Variants in ESYT2 observed in about 807,000 individuals in gnomAD.
The protein encoded by ESYT2 is extended synaptotagmin-2.
In ESYT2, 54 loss-of-function variants were observed where a neutral mutation model predicts 107.2. The observed-to-expected ratio is 0.50, with a 90% CI of 0.40 to 0.63. The LOEUF is 0.63. ESYT2 is among the 30% of genes least tolerant of loss of function. The pLI is 0.00. For synonymous variants in ESYT2, 491 were observed against 434.1 expected (o/e 1.13, Z -1.63); for missense variants, 1,020 against 1,094.5 (o/e 0.93, Z 0.96).
chr7:158,783,679 G>A (rs1410928998), intron 6 of ESYT2, among the ~76,000 whole-genome samples: 3 of 152,186 alleles, frequency 2.0e-5, no homozygotes, highest in Non-Finnish European at 2.9e-5. Flanking sequence ...CAAAACAAGT[G>A]AGACGACTCC....
At chr7:158,800,537 A>G (rs1189327678) in intron 1 of ESYT2, among the ~76,000 whole-genome samples, 2 of 152,000 alleles carry the variant, frequency 1.3e-5, no homozygotes, top group Admixed American at 6.6e-5. Flanking sequence ...CTGGGACTAC[A>G]GGCATGTGCC....
intron 3 of ESYT2, 35 bp downstream of exon 3, chr7:158,797,907 T>C: frequency 6.3e-7 from 1 of 1,586,408 alleles, no homozygotes; most frequent in Non-Finnish European, 8.5e-7. Flanking sequence ...GCAATCTGAC[T>C]GTGTGCACGT....
intron 4 of ESYT2, among the ~76,000 whole-genome samples, chr7:158,793,078 G>A (rs908723141): frequency 8.6e-6 from 1 of 115,994 alleles, no homozygotes. Flanking sequence ...CACTGAGTAT[G>A]TTAACTGTGG....
chr7:158,807,012 A>G (rs1232493076), intron 1 of ESYT2, among the ~76,000 whole-genome samples: 1 of 152,052 alleles, frequency 6.6e-6, no homozygotes, highest in East Asian at 1.9e-4. Flanking sequence ...TAGTATATAT[A>G]GTTTATTCTA....
At chr7:158,799,940 T>C (rs1191450033) in intron 1 of ESYT2, among the ~76,000 whole-genome samples, 1 of 152,196 alleles carries the variant, frequency 6.6e-6, no homozygotes, top group Non-Finnish European at 1.5e-5. Flanking sequence ...CTGGCCAACA[T>C]ATTCTTGCAA....
chr7:158,776,947 G>A (rs1393196873), intron 6 of ESYT2, among the ~76,000 whole-genome samples: 1 of 150,798 alleles, frequency 6.6e-6, no homozygotes, highest in Non-Finnish European at 1.5e-5. Context: ...CCGCCTCCCA[G>A]GTTCAAGTGA....
chr7:158,798,403 T>C (rs1839534476), intron 2 of ESYT2, among the ~76,000 whole-genome samples: 1 of 151,904 alleles, frequency 6.6e-6, no homozygotes, highest in African/African-American at 2.4e-5. Flanking sequence ...ATCCCAGCAT[T>C]TGGGAGGCTG....
In ESYT2 at chr7:158,732,819, A is replaced by G. The variant is rs764292912; in HGVS notation, c.*1388T>C. 1.3e-5 allele frequency: 2 copies of G among 152,440 alleles called. No homozygotes were observed. The highest frequency in any genetic ancestry group is 2.4e-5 in the African/African-American group (1 of 41,454). The allele number at this position is 152,440 out of a possible 1,614,324, so 9.4% of individuals were successfully genotyped here. A position where few individuals can be genotyped will look rare whatever the true frequency, so the allele number is the denominator to read the frequency against. On this transcript the variant is annotated 3_prime_UTR_variant, in exon 23 of 23. Transcript: ENST00000275418. Reference sequence around the variant, plus strand: ...TAATATATTTACACATAGTTTTAAGATGTTCTCATGGCTATGGAAGCCATT... The same window carrying G: ...TAATATATTTACACATAGTTTTAAGGTGTTCTCATGGCTATGGAAGCCATT...
At position 158,766,352 on chromosome 7, in the gene ESYT2, G is replaced by C. The variant is rs908017360; in HGVS notation, c.924+1302C>G. Among the ~76,000 whole-genome samples, 9 of 152,250 alleles carry C rather than the reference G, an allele frequency of 5.9e-5. 1 individual carries two copies. The East Asian group carries it at 1.4e-3, about 23-fold the overall frequency. On this transcript the variant is annotated intron_variant, in intron 8 of 22. Transcript: ENST00000275418. ...CGGCTGTTAAGCCCATGCAGCTGAGGGCAGCCAGATCCAGGCTCAGGTGCT... is the reference window on the plus strand; with the variant it reads ...CGGCTGTTAAGCCCATGCAGCTGAGCGCAGCCAGATCCAGGCTCAGGTGCT...
At chr7:158,782,485 GGTGT>G (rs36148170) in intron 6 of ESYT2, among the ~76,000 whole-genome samples, 5 of 142,432 alleles carry the variant, frequency 3.5e-5, no homozygotes, top group Admixed American at 6.9e-5. Flanking sequence ...AACAGTGAGA[GGTGT>G]GTGTGAAACA....
intron 1 of ESYT2, among the ~76,000 whole-genome samples, chr7:158,809,792 T>C (rs2129473933): frequency 6.6e-6 from 1 of 152,334 alleles, no homozygotes; most frequent in Non-Finnish European, 1.5e-5. Context: ...TTTTGGCCAA[T>C]CACAGGCAGC....
rs1217368680 is a variant in ESYT2, at chr7:158,788,415, AAACT to A, written c.585-2_586del. Reference sequence around the variant, plus strand: ...CAAATCAATCTCACAATTTCCTACAAAACTAACAAAAAATTCTGCATTACATGAT... The same window carrying A: ...CAAATCAATCTCACAATTTCCTACAAAACAAAAAATTCTGCATTACATGAT... On this transcript the variant is annotated splice_acceptor_variant and coding_sequence_variant, in exon 5 of 23. Coordinates refer to ENST00000275418, the MANE Select transcript of ESYT2 (RefSeq NM_001367773.1). LOFTEE classifies it high-confidence loss of function. 2.5e-6 allele frequency: 4 copies of A among 1,609,604 alleles called. No individual in the cohort carries two copies. Among genetic ancestry groups the A allele is most frequent in the Non-Finnish European group, 2.5e-6 (3 of 1,178,362 alleles).
chr7:158,739,315 ATAAAT>A (rs1837102589), intron 18 of ESYT2, among the ~76,000 whole-genome samples, 194 bp from the exon 19 acceptor site: 1 of 152,344 alleles, frequency 6.6e-6, no homozygotes, highest in East Asian at 1.9e-4. Flanking sequence ...AGGGTTCAAT[ATAAAT>A]TAATTATTCA....
chr7:158,741,185 G>C (rs761608618), intron 18 of ESYT2, among the ~76,000 whole-genome samples: 1 of 152,174 alleles, frequency 6.6e-6, no homozygotes, highest in Admixed American at 6.5e-5. Flanking sequence ...AGCGAGGCCC[G>C]CGGGCCAGCT....
intron 7 of ESYT2, 149 bp downstream of exon 7, chr7:158,773,192 T>C: frequency 1.1e-6 from 1 of 873,416 alleles, no homozygotes; most frequent in African/African-American, 1.7e-5. Flanking sequence ...CCCTGTACCC[T>C]CTGCTTGTTT....
chr7:158,818,303 G>A (rs1840200961), intron 1 of ESYT2, among the ~76,000 whole-genome samples: 1 of 152,210 alleles, frequency 6.6e-6, no homozygotes, highest in Non-Finnish European at 1.5e-5. Context: ...AAGATACAGA[G>A]CAAATCAAGG....
intron 9 of ESYT2, 139 bp from the exon 10 acceptor site, chr7:158,763,304 T>C (rs1308812597): frequency 2.4e-6 from 1 of 408,974 alleles, no homozygotes; most frequent in Non-Finnish European, 4.0e-6. Context: ...ATTTATTTAT[T>C]TATTTCTGGA....
rs1455681320 is a variant in ESYT2, at chr7:158,788,412, A to G, written c.590T>C (p.Val197Ala). Residue 197 changes from valine (V) to alanine (A), a missense_variant, in exon 5 of 23, where the codon GTA becomes GCA. Physicochemically the swap from Val to Ala is moderately conservative, Grantham distance 64 (BLOSUM62 0). Coordinates refer to ENST00000275418, the MANE Select transcript of ESYT2 (RefSeq NM_001367773.1). ...CTCCAAATCAATCTCACAATTTCCT[A>G]CAAAACTAACAAAAAATTCTGCATT... Reference protein sequence around the residue: ...QIILDLQISFVGNCEIDLEIK... With the variant: ...QIILDLQISFAGNCEIDLEIK... 1.2e-6 allele frequency: 2 copies of G among 1,609,920 alleles called. No individual in the cohort carries two copies. The highest frequency in any genetic ancestry group is 1.7e-6 in the Non-Finnish European group (2 of 1,178,462).
chr7:158,816,122 ATCCTTAAAAACGGAGGAAG>A (rs1840144298), intron 1 of ESYT2, among the ~76,000 whole-genome samples: 1 of 152,186 alleles, frequency 6.6e-6, no homozygotes, highest in African/African-American at 2.4e-5. Flanking sequence ...CATCTCCAGT[ATCCTTAAAAACGGAGGAAG>A]TCCAGCCTGG....
Sources: gnomAD v4.1 joint callset for allele counts (sites outside exome capture counted in the v4.1 genomes callset) on GRCh38, gnomAD v4.1.1 for gene constraint, MANE v1.5 for transcripts, NCBI Gene and HGNC (gene_info 2026-07-23, HGNC 2026-07-21) for gene names.